Variants in ANGPTL1 observed in about 807,000 individuals in gnomAD.
The protein encoded by ANGPTL1 is angiopoietin like 1.
ANGPTL1 carries 36 observed loss-of-function variants against 46.7 expected under a neutral mutation model. The ratio of observed to expected loss-of-function variants is 0.77; its 90% confidence interval spans 0.59 to 1.02. The LOEUF (loss-of-function observed/expected upper bound fraction) is 1.02. Among genes scored for constraint, ANGPTL1 ranks in the 50% least tolerant of loss-of-function variants. The pLI, the probability that ANGPTL1 is intolerant of heterozygous loss-of-function variation, is 0.00. For synonymous variants in ANGPTL1, 221 were observed against 204.3 expected (o/e 1.08, Z -0.69); for missense variants, 571 against 594.7 (o/e 0.96, Z 0.41).
At position 178,850,940 on chromosome 1, in the gene ANGPTL1, A is replaced by G; in HGVS notation, c.*189T>C. The stretch of plus-strand genomic sequence containing the variant: ...AATAACTAGGTTGTGGATACACATA[A>G]TTTTCTGCAGTAATTGACGACAGAT... On this transcript the variant is annotated 3_prime_UTR_variant, in exon 6 of 6. Transcript: ENST00000234816. 2.2e-6 allele frequency: 1 copy of G among 459,856 alleles called. No individual in the cohort carries two copies. Among genetic ancestry groups the G allele is most frequent in the Non-Finnish European group, 3.7e-6 (1 of 271,708 alleles). 28.5% of individuals were successfully genotyped at this position (459,856 alleles called of 1,614,324 possible). A position where few individuals can be genotyped will look rare whatever the true frequency, so the allele number is the denominator to read the frequency against.
At chr1:178,861,551 A>G (rs998525844) in intron 3 of ANGPTL1, among the ~76,000 whole-genome samples, 3 of 152,128 alleles carry the variant, frequency 2.0e-5, no homozygotes, top group African/African-American at 7.2e-5. Flanking sequence ...AGTGTTTAAA[A>G]ATGTGAATAG....
rs1026803978 is a variant in ANGPTL1, at chr1:178,850,937, A to G, written c.*192T>C. Reference sequence around the variant, plus strand: ...TAAAATAACTAGGTTGTGGATACACATAATTTTCTGCAGTAATTGACGACA... The same window carrying G: ...TAAAATAACTAGGTTGTGGATACACGTAATTTTCTGCAGTAATTGACGACA... On this transcript the variant is annotated 3_prime_UTR_variant, in exon 6 of 6. Coordinates refer to ENST00000234816, the MANE Select transcript of ANGPTL1 (RefSeq NM_004673.4). 3 of 455,586 alleles carry G rather than the reference A, an allele frequency of 6.6e-6. No homozygotes were observed. Among genetic ancestry groups the G allele is most frequent in the Admixed American group, 4.1e-5 (1 of 24,414 alleles). The allele number at this position is 455,586 out of a possible 1,614,324, so 28.2% of individuals were successfully genotyped here.
chr1:178,852,378 G>A (rs1036899064), intron 5 of ANGPTL1, among the ~76,000 whole-genome samples: 1 of 152,180 alleles, frequency 6.6e-6, no homozygotes, highest in Non-Finnish European at 1.5e-5. Flanking sequence ...CCTGGCACGT[G>A]GTAGGTGTTC....
chr1:178,857,215 A>T (rs1347994947), intron 3 of ANGPTL1, among the ~76,000 whole-genome samples: 4 of 152,240 alleles, frequency 2.6e-5, no homozygotes, highest in Non-Finnish European at 2.9e-5. Flanking sequence ...GTATACTTAC[A>T]GTATTCATAG....
chr1:178,865,825 A>G, intron 2 of ANGPTL1, 23 bp from the exon 3 acceptor site: 1 of 1,400,230 alleles, frequency 7.1e-7, no homozygotes. Flanking sequence ...AAATCAGTGA[A>G]GGAGAAAAAG....
intron 3 of ANGPTL1, among the ~76,000 whole-genome samples, chr1:178,854,285 A>G (rs528156051): frequency 1.6e-4 from 25 of 152,286 alleles, no homozygotes; most frequent in Middle Eastern, 6.8e-3. Context: ...TCATAGTCCT[A>G]CATAATACCC....
rs80206607 is a variant in ANGPTL1 at position 178,857,439 on chromosome 1, G to T, written c.824-3652C>A. Among the ~76,000 whole-genome samples, 84 of 152,204 alleles carry T rather than the reference G, an allele frequency of 5.5e-4. 1 individual carries two copies. The highest frequency in any genetic ancestry group is 2.7e-3 in the South Asian group (13 of 4,824). ...AAAGAAACAACCTTAGAGTCAAGTGGGGGGTGGGAGAAGTCACAAGAAAGA... is the reference window on the plus strand; with the variant it reads ...AAAGAAACAACCTTAGAGTCAAGTGTGGGGTGGGAGAAGTCACAAGAAAGA... On this transcript the variant is annotated intron_variant, in intron 3 of 5. Transcript: ENST00000234816.
In ANGPTL1 at chr1:178,865,127, T is replaced by C. The variant is rs932520566; in HGVS notation, c.650A>G (p.Gln217Arg). 2.5e-6 allele frequency: 4 copies of C among 1,589,074 alleles called. No individual in the cohort carries two copies. The African/African-American group carries it at 5.4e-5, about 21-fold the overall frequency. The stretch of plus-strand genomic sequence containing the variant: ...GTTAGGAATATGTTGTGGCACCACC[T>C]GGACAAGTGGGGGAGACACATGGGT... ...QDTHVSPPLV[Q>R]VVPQHIPNSQ... Residue 217 changes from glutamine (Q) to arginine (R), a missense_variant, in exon 3 of 6, where the codon CAG (glutamine) becomes CGG (arginine). Physicochemically the swap from Gln to Arg is conservative, Grantham distance 43. Transcript: ENST00000234816.
intron 4 of ANGPTL1, chr1:178,853,242 A>T (rs940552686): frequency 2.6e-5 from 25 of 974,338 alleles, no homozygotes; most frequent in Non-Finnish European, 2.9e-5. Context: ...GCTACTAAAA[A>T]TATTAGCTAG....
intron 3 of ANGPTL1, among the ~76,000 whole-genome samples, chr1:178,864,659 G>C (rs1484897280): frequency 6.6e-6 from 1 of 152,134 alleles, no homozygotes; most frequent in African/African-American, 2.4e-5. Flanking sequence ...GTGGTTCGGA[G>C]TGGAGCATGT....
intron 3 of ANGPTL1, among the ~76,000 whole-genome samples, chr1:178,863,642 T>G (rs554380490): frequency 6.6e-6 from 1 of 152,276 alleles, no homozygotes; most frequent in Non-Finnish European, 1.5e-5. Flanking sequence ...TTTGGTTAAA[T>G]CAGGAGGGAG....
At chr1:178,870,586 C>T (rs529795702) in intron 1 of ANGPTL1, among the ~76,000 whole-genome samples, 155 bp downstream of exon 1, 3 of 152,128 alleles carry the variant, frequency 2.0e-5, no homozygotes, top group Non-Finnish European at 4.4e-5. Flanking sequence ...GTTTTTATGT[C>T]AAGTTGCAAG....
intron 2 of ANGPTL1, among the ~76,000 whole-genome samples, chr1:178,868,097 C>G (rs959727121): frequency 1.1e-4 from 16 of 151,918 alleles, no homozygotes; most frequent in Non-Finnish European, 1.9e-4. Flanking sequence ...ATAGCCAAAG[C>G]ACACATGGGT....
At chr1:178,854,398 T>G (rs1472324675) in intron 3 of ANGPTL1, among the ~76,000 whole-genome samples, 2 of 152,138 alleles carry the variant, frequency 1.3e-5, no homozygotes, top group Non-Finnish European at 2.9e-5. Flanking sequence ...TGCAAAATAT[T>G]ATGTTTCCCT....
chr1:178,867,119 A>T (rs774458512), intron 2 of ANGPTL1, among the ~76,000 whole-genome samples: 8 of 152,118 alleles, frequency 5.3e-5, no homozygotes, highest in Non-Finnish European at 1.2e-4. Flanking sequence ...TGATTTAAGA[A>T]ACCAGCTCCT....
rs142369364 is a variant in ANGPTL1, at chr1:178,869,487, C to A, written c.-136-264G>T. Among the ~76,000 whole-genome samples, 271 of 152,114 alleles carry A rather than the reference C, an allele frequency of 1.8e-3. 3 individuals carry two copies. Among genetic ancestry groups the A allele is most frequent in the East Asian group, 7.7e-3 (40 of 5,176 alleles). On this transcript the variant is annotated intron_variant, in intron 1 of 5. Coordinates refer to ENST00000234816, the MANE Select transcript of ANGPTL1 (RefSeq NM_004673.4). ...TGTAATTTGGGGTTCAGATTAAATG[C>A]CTGCCTTAAGACAGCGTCAGTAAGA...
intron 3 of ANGPTL1, among the ~76,000 whole-genome samples, chr1:178,862,623 TTATTTA>T (rs1658111631): frequency 1.3e-5 from 2 of 151,338 alleles, no homozygotes; most frequent in Admixed American, 6.6e-5. Context: ...ATTTATTTAT[TTATTTA>T]TTTGGTTGGT....
chr1:178,850,371 AT>A lies in ANGPTL1; in HGVS notation c.*757del, dbSNP rs1657093736. ...TTTTTGTAATACCAATATTTTGCTGATTTTAGAACTACATAAAATGCATTTC... is the reference window on the plus strand; with the variant it reads ...TTTTTGTAATACCAATATTTTGCTGATTTAGAACTACATAAAATGCATTTC... On this transcript the variant is annotated 3_prime_UTR_variant, in exon 6 of 6. Transcript: ENST00000234816. 3 of 152,560 alleles carry A rather than the reference AT, an allele frequency of 2.0e-5. No individual in the cohort carries two copies. The South Asian group carries it at 6.2e-4, about 32-fold the overall frequency. The allele number at this position is 152,560 out of a possible 1,614,324, so 9.5% of individuals were successfully genotyped here. A position where few individuals can be genotyped will look rare whatever the true frequency, so the allele number is the denominator to read the frequency against.
At chr1:178,860,946 C>T (rs906522383) in intron 3 of ANGPTL1, among the ~76,000 whole-genome samples, 1 of 152,154 alleles carries the variant, frequency 6.6e-6, no homozygotes, top group Admixed American at 6.5e-5. Context: ...TAATTGAGCA[C>T]ATTGTGTAAG....
Sources: allele counts gnomAD v4.1 joint callset (sites outside exome capture counted in the v4.1 genomes callset), GRCh38; gene constraint gnomAD v4.1.1; transcripts MANE v1.5; gene names NCBI Gene and HGNC (gene_info 2026-07-23, HGNC 2026-07-21).